Variants in LBHD1 observed in about 807,000 individuals in gnomAD.
The protein encoded by LBHD1 is LBH domain-containing protein 1.
LBHD1 carries 28 observed loss-of-function variants against 31.1 expected under a neutral mutation model. The ratio of observed to expected loss-of-function variants is 0.90; its 90% CI spans 0.67 to 1.24. The LOEUF is 1.24. Among genes scored for constraint, LBHD1 ranks in the 50% most tolerant of loss-of-function variants. The probability of loss-of-function intolerance (pLI) is 0.00; values close to 1 mark genes in which losing one functional copy is unlikely to be tolerated. For missense variants in LBHD1, 350 were observed against 323.0 expected (o/e 1.08, Z -0.64); for synonymous variants, 105 against 116.5 (o/e 0.90, Z 0.63).
At chr11:62,663,918 C>CA (rs1341768398) in intron 5 of LBHD1, among the ~76,000 whole-genome samples, 73 of 149,404 alleles carry the variant, frequency 4.9e-4, no homozygotes, top group African/African-American at 1.7e-3. Context: ...ACTAAAAATA[C>CA]AAAAATTAGC....
chr11:62,665,501 C>T lies in LBHD1; in HGVS notation c.539-528G>A, dbSNP rs551831869. 9.5e-6 allele frequency: 15 copies of T among 1,573,808 alleles called. 1 individual carries two copies. Among genetic ancestry groups the T allele is most frequent in the South Asian group, 3.4e-5 (3 of 88,992 alleles). On this transcript the variant is annotated intron_variant, in intron 4 of 6. Coordinates refer to ENST00000354588, the MANE Select transcript of LBHD1 (RefSeq NM_024099.5). ...AGGAAGAGGGAAAGGGCTCTGGCCC[C>T]CTCGGCGTCATGTCTTCGGTGCTGG...
In LBHD1 at chr11:62,669,725, A is replaced by G; in HGVS notation, c.229T>C (p.Leu77=). 1 of 1,614,116 alleles carries G rather than the reference A, an allele frequency of 6.2e-7. No homozygotes were observed. Among genetic ancestry groups the G allele is most frequent in the Non-Finnish European group, 8.5e-7 (1 of 1,180,006 alleles). The change falls in exon 3 of 7, where the codon TTG becomes CTG. Residue 77 remains leucine (L), a synonymous_variant. Coordinates refer to ENST00000354588, the MANE Select transcript of LBHD1 (RefSeq NM_024099.5). Reference sequence around the variant, plus strand: ...AGCAGCAGCAGCTCCTCATGGGGCAAATGGAGATCCCCACTCTCTTCATTC... The same window carrying G: ...AGCAGCAGCAGCTCCTCATGGGGCAGATGGAGATCCCCACTCTCTTCATTC... ...EVNEESGDLH[L]PHEELLLLTD...
Position 62,671,961 on chromosome 11 carries a change from A to G in LBHD1, c.-408T>C. 2 of 1,613,966 alleles carry G rather than the reference A, an allele frequency of 1.2e-6. No individual in the cohort carries two copies. Among genetic ancestry groups the G allele is most frequent in the Non-Finnish European group, 1.7e-6 (2 of 1,179,986 alleles). ...CCCCTTCCTGCCCTCAGGAGATGCC[A>G]CTGCAGGACCCAAGGAGCAGGGAGG... On this transcript the variant is annotated 5_prime_UTR_variant, in exon 1 of 7. Transcript: ENST00000354588.
At chr11:62,664,130 T>C (rs1944728350) in intron 5 of LBHD1, among the ~76,000 whole-genome samples, 1 of 144,186 alleles carries the variant, frequency 6.9e-6, no homozygotes, top group Non-Finnish European at 1.5e-5. Flanking sequence ...ATTAATGGGA[T>C]GGGAACTCTT....
rs575623983 is a variant in LBHD1, at chr11:62,671,801, G to C, written c.-248C>G. 1.7e-5 allele frequency: 28 copies of C among 1,614,172 alleles called. No homozygotes were observed. In the East Asian group the frequency reaches 6.0e-4, roughly 35 times the overall value. On this transcript the variant is annotated 5_prime_UTR_variant, in exon 1 of 7. Transcript: ENST00000354588. ...GTCGCAATGCTGGGCGCAGGGGCTG[G>C]CGTGGGCTACGCGCTCCTCGTTATC...
intron 4 of LBHD1, chr11:62,666,593 C>T: frequency 1.2e-6 from 2 of 1,614,146 alleles, no homozygotes; most frequent in South Asian, 2.2e-5. Flanking sequence ...GACTTCCAGC[C>T]TATGTACAGG....
At chr11:62,670,118 C>A (rs533636856) in intron 1 of LBHD1, 77 bp from the exon 2 acceptor site, 1 of 1,442,806 alleles carries the variant, frequency 6.9e-7, no homozygotes, top group South Asian at 1.4e-5. Flanking sequence ...CTTTAATCTT[C>A]TTTGGAGCCT....
chr11:62,668,141 G>A, intron 3 of LBHD1: 1 of 181,904 alleles, frequency 5.5e-6, no homozygotes, highest in South Asian at 1.1e-4. Context: ...TTTATAAAGG[G>A]GAAGTACCTT....
chr11:62,665,315 T>C (rs1342329007), intron 4 of LBHD1: 9 of 729,242 alleles, frequency 1.2e-5, no homozygotes, highest in Middle Eastern at 3.7e-4. Flanking sequence ...GGGAGGCCTT[T>C]CGGAGGGTGG....
At chr11:62,665,977 A>G (rs976584632) in intron 4 of LBHD1, 3 of 1,589,344 alleles carry the variant, frequency 1.9e-6, no homozygotes, top group African/African-American at 2.7e-5. Context: ...TGGAGAGGGC[A>G]AGGTGGGGGC....
intron 3 of LBHD1, among the ~76,000 whole-genome samples, chr11:62,668,850 CAG>C (rs1944887375): frequency 6.6e-6 from 1 of 151,420 alleles, no homozygotes; most frequent in Admixed American, 6.6e-5. Flanking sequence ...AAACAGTACA[CAG>C]AGATGAAAAA....
In LBHD1 at chr11:62,667,722, A is replaced by G; in HGVS notation, c.339T>C (p.Pro113=). 1.2e-6 allele frequency: 2 copies of G among 1,612,010 alleles called. No individual in the cohort carries two copies. The highest frequency in any genetic ancestry group is 1.7e-6 in the Non-Finnish European group (2 of 1,178,190). The change falls in exon 4 of 7, where the codon CCT becomes CCC. Residue 113 remains proline, a synonymous_variant. Transcript: ENST00000354588. ...CGTTAAATGTTCTTAAAGGACTTCTAGGGTCCTGTGGGCTCCAAGCCCAGC... is the reference window on the plus strand; with the variant it reads ...CGTTAAATGTTCTTAAAGGACTTCTGGGGTCCTGTGGGCTCCAAGCCCAGC... ...EPGWAWSPQD[P]RSPLRTFNAG... is the part of the protein sequence containing the mutation.
intron 4 of LBHD1, chr11:62,666,915 AG>A (rs1245215762): frequency 1.2e-6 from 2 of 1,613,846 alleles, no homozygotes; most frequent in Admixed American, 3.3e-5. Flanking sequence ...ACCCTGATTC[AG>A]TTCTCAGATG....
intron 4 of LBHD1, chr11:62,666,005 G>T: frequency 6.4e-7 from 1 of 1,560,404 alleles, no homozygotes; most frequent in South Asian, 1.1e-5. Context: ...GGAGGGTAAG[G>T]TGGGTTCCTC....
rs1565126900 is a variant in LBHD1, at chr11:62,666,156, A to G, written c.539-1183T>C. On this transcript the variant is annotated intron_variant, in intron 4 of 6. Transcript: ENST00000354588. Reference sequence around the variant, plus strand: ...TGGCCCAGGAGTTCGAGACCAACCTAGGGCAACATAGCGAGACCCTGTCTA... The same window carrying G: ...TGGCCCAGGAGTTCGAGACCAACCTGGGGCAACATAGCGAGACCCTGTCTA... 7.1e-6 allele frequency: 5 copies of G among 706,852 alleles called. No homozygotes were observed. The Admixed American group carries it at 1.1e-4, about 16-fold the overall frequency. 43.8% of individuals were successfully genotyped at this position (706,852 alleles called of 1,614,324 possible). A position where few individuals can be genotyped will look rare whatever the true frequency, so the allele number is the denominator to read the frequency against.
chr11:62,670,145 A>T, intron 1 of LBHD1, 104 bp from the exon 2 acceptor site: 3 of 1,234,610 alleles, frequency 2.4e-6, no homozygotes, highest in Non-Finnish European at 3.4e-6. Context: ...TTAAGCACCG[A>T]CTGTGCTAAG....
Position 62,663,099 on chromosome 11 carries a change from G to C in LBHD1, c.*30C>G, listed in dbSNP as rs762453530. 4.3e-6 allele frequency: 7 copies of C among 1,613,448 alleles called. No homozygotes were observed. The Admixed American group carries it at 6.7e-5, about 15-fold the overall frequency. ...CATTTCTACATCCTGGGGGGCTTTT[G>C]TCTTCTTTTGCCTTTTGAGCTGTGG... On this transcript the variant is annotated 3_prime_UTR_variant, in exon 7 of 7. Coordinates refer to ENST00000354588, the MANE Select transcript of LBHD1 (RefSeq NM_024099.5).
intron 4 of LBHD1, chr11:62,666,310 A>T: frequency 3.6e-6 from 1 of 275,192 alleles, no homozygotes; most frequent in Non-Finnish European, 5.8e-6. Context: ...ACCCTGTCTC[A>T]AAAAAAAAAA....
At position 62,667,268 on chromosome 11, in the gene LBHD1, G is replaced by A. The variant is rs117313894; in HGVS notation, c.538+255C>T. Reference sequence around the variant, plus strand: ...ACGGAGATTACATACAATGATGTGCGCAATATTTAGCACAAAATGAATGCT... The same window carrying A: ...ACGGAGATTACATACAATGATGTGCACAATATTTAGCACAAAATGAATGCT... On this transcript the variant is annotated intron_variant, in intron 4 of 6. Transcript: ENST00000354588. 3.5e-3 allele frequency: 2,227 copies of A among 633,740 alleles called. 7 individuals are homozygous for A. Among genetic ancestry groups the A allele is most frequent in the Middle Eastern group, 0.014 (32 of 2,366 alleles). The allele number at this position is 633,740 out of a possible 1,614,324, so 39.3% of individuals were successfully genotyped here. A position where few individuals can be genotyped will look rare whatever the true frequency, so the allele number is the denominator to read the frequency against.
Sources: gnomAD v4.1 joint callset for allele counts (sites outside exome capture counted in the v4.1 genomes callset) on GRCh38, gnomAD v4.1.1 for gene constraint, MANE v1.5 for transcripts, NCBI Gene and HGNC (gene_info 2026-07-23, HGNC 2026-07-21) for gene names.